RSPH3: variants seen among roughly 807,000 people sequenced by gnomAD.
The protein encoded by RSPH3 is radial spoke head 3, also known as radial spoke head protein 3 homolog.
In RSPH3, 21 loss-of-function variants were observed where a neutral mutation model predicts 43.8. That is an observed-to-expected ratio of 0.48 (90% confidence interval 0.34 to 0.69). The LOEUF (loss-of-function observed/expected upper bound fraction) is 0.69, where lower values mean the gene tolerates loss of function less well. Ranked by LOEUF, RSPH3 falls within the 30% of genes least tolerant of loss-of-function variation. The pLI, the probability that RSPH3 is intolerant of heterozygous loss-of-function variation, is 0.01. For missense variants in RSPH3, 487 were observed against 516.0 expected, an observed-to-expected ratio of 0.94 and a Z score of 0.54; for synonymous variants, 173 against 179.8, an observed-to-expected ratio of 0.96 and a Z score of 0.30.
intron 1 of RSPH3, among the ~76,000 whole-genome samples, chr6:158,994,667 A>G (rs1407336281): frequency 2.0e-5 from 3 of 152,150 alleles, no homozygotes; most frequent in African/African-American, 7.2e-5. Flanking sequence ...TAAATAAATA[A>G]ATAAGAAATA....
In RSPH3 at chr6:158,973,325, A is replaced by T; in HGVS notation, c.*4213T>A. The T allele has an allele frequency of 6.6e-6, 1 of 152,338 alleles. No individual in the cohort carries two copies. The highest frequency in any genetic ancestry group is 3.4e-3 in the Middle Eastern group (1 of 294). 9.4% of individuals were successfully genotyped at this position (152,338 alleles called of 1,614,324 possible). Reference sequence around the variant, plus strand: ...CTAGCTGATATAGTTGTTATGTTTCAACAACATAAAATGAAATGTTTCTAG... The same window carrying T: ...CTAGCTGATATAGTTGTTATGTTTCTACAACATAAAATGAAATGTTTCTAG... On this transcript the variant is annotated 3_prime_UTR_variant, in exon 8 of 8. Coordinates refer to ENST00000367069, the MANE Select transcript of RSPH3 (RefSeq NM_031924.8).
intron 1 of RSPH3, among the ~76,000 whole-genome samples, chr6:158,998,243 A>G (rs1404231795): frequency 1.4e-5 from 2 of 142,912 alleles, no homozygotes; most frequent in Non-Finnish European, 3.0e-5. Flanking sequence ...TGAGGTCAGG[A>G]GATCGAGAGT....
chr6:158,985,473 T>G (rs998681216), intron 3 of RSPH3, among the ~76,000 whole-genome samples: 3 of 152,160 alleles, frequency 2.0e-5, no homozygotes, highest in Non-Finnish European at 2.9e-5. Flanking sequence ...TATTTGTTGT[T>G]CAGGCTGAGT....
chr6:158,964,449 T>G, the RSPH3 span, among the ~76,000 whole-genome samples: 2 of 152,202 alleles, frequency 1.3e-5, no homozygotes, highest in Non-Finnish European at 2.9e-5. Context: ...TCATTAACTT[T>G]ATTTGCTTGA....
Position 159,000,039 on chromosome 6 carries a change from G to T in RSPH3, c.-489C>A. The T allele has an allele frequency of 6.8e-7, 1 of 1,468,652 alleles. No homozygotes were observed. The highest frequency in any genetic ancestry group is 9.1e-7 in the Non-Finnish European group (1 of 1,096,948). 91.0% of individuals were successfully genotyped at this position (1,468,652 alleles called of 1,614,324 possible). ...CCGGCTTTGGAATGTGGCTTTGCAG[G>T]GCTGGTGTTGGCGCCATTCTCGCAG... On this transcript the variant is annotated 5_prime_UTR_variant, in exon 1 of 8. Transcript: ENST00000367069.
At chr6:158,986,563 G>T in intron 2 of RSPH3, 142 bp from the exon 3 acceptor site, 1 of 660,988 alleles carries the variant, frequency 1.5e-6, no homozygotes, top group Non-Finnish European at 2.5e-6. Context: ...CATTAAAATT[G>T]TATTGGTACT....
At chr6:158,970,253 G>A (rs1348387012), downstream of RSPH3, among the ~76,000 whole-genome samples, 1 of 152,086 alleles carries the variant, frequency 6.6e-6, no homozygotes, top group Non-Finnish European at 1.5e-5. Flanking sequence ...GTTGTGTGTG[G>A]CCACTGAAGT....
Position 158,977,738 on chromosome 6 carries a change from C to G in RSPH3, c.1057G>C (p.Glu353Gln). The change falls in exon 8 of 8, where the codon GAG becomes CAG. Residue 353 changes from glutamate (E) to glutamine (Q), a missense_variant. Physicochemically the swap from Glu to Gln is conservative, Grantham distance 29 (BLOSUM62 2). Coordinates refer to ENST00000367069, the MANE Select transcript of RSPH3 (RefSeq NM_031924.8). ...DEPGGPGAMT[E>Q]SLEASEFLEQ... is the part of the protein sequence containing the mutation. Reference sequence around the variant, plus strand: ...AGGAATTCAGAGGCCTCCAGTGACTCTGTCATTGCTCCAGGACCACCAGGC... The same window carrying G: ...AGGAATTCAGAGGCCTCCAGTGACTGTGTCATTGCTCCAGGACCACCAGGC... 1 of 1,614,114 alleles carries G rather than the reference C, an allele frequency of 6.2e-7. No homozygotes were observed. The highest frequency in any genetic ancestry group is 1.1e-5 in the South Asian group (1 of 91,084).
At position 158,977,631 on chromosome 6, in the gene RSPH3, G is replaced by A; in HGVS notation, c.1164C>T (p.Ser388=). 2 of 1,613,946 alleles carry A rather than the reference G, an allele frequency of 1.2e-6. No individual in the cohort carries two copies. The highest frequency in any genetic ancestry group is 2.2e-5 in the East Asian group (1 of 44,870). ...LQRTTYDRRS[S]QERKFMEERE... ...TCTCTTCCATAAACTTCCTTTCCTGGGATGACCTTCTGTCATATGTTGTTC... is the reference window on the plus strand; with the variant it reads ...TCTCTTCCATAAACTTCCTTTCCTGAGATGACCTTCTGTCATATGTTGTTC... Residue 388 remains serine, a synonymous_variant, in exon 8 of 8, where the codon TCC becomes TCT. Transcript: ENST00000367069.
chr6:158,999,694 G>A lies in RSPH3; in HGVS notation c.-144C>T. 1 of 1,614,064 alleles carries A rather than the reference G, an allele frequency of 6.2e-7. No homozygotes were observed. The highest frequency in any genetic ancestry group is 2.2e-5 in the East Asian group (1 of 44,888). On this transcript the variant is annotated 5_prime_UTR_variant, in exon 1 of 8. Coordinates refer to ENST00000367069, the MANE Select transcript of RSPH3 (RefSeq NM_031924.8). ...AGGAGAGGCGACAACAAGGGAGGCG[G>A]GCGGGACGGGAGGTTACCAGCGCAG...
rs1413698882 is a variant in RSPH3, at chr6:158,978,289, T to C, written c.917A>G (p.Tyr306Cys). The part of the protein sequence containing the change: ...LMNEVEKTME[Y>C]SMVGRTVLDM... ...AAGCACTGTTCTTCCCACCATGCTA[T>C]ATTCCATGGTTTTTTCAACTTCATT... Residue 306 changes from tyrosine to cysteine, a missense_variant, in exon 7 of 8, where the codon TAT (tyrosine) becomes TGT (cysteine). By Grantham distance (194) the Tyr-to-Cys change is radical. Coordinates refer to ENST00000367069, the MANE Select transcript of RSPH3 (RefSeq NM_031924.8). 1.3e-6 allele frequency: 2 copies of C among 1,586,098 alleles called. No homozygotes were observed.
chr6:158,964,726 A>G, the RSPH3 span, among the ~76,000 whole-genome samples: 1 of 152,162 alleles, frequency 6.6e-6, no homozygotes, highest in Non-Finnish European at 1.5e-5. Flanking sequence ...ATTCTTTGTT[A>G]GATATATGCT....
chr6:158,995,800 C>T (rs1022387814), intron 1 of RSPH3, among the ~76,000 whole-genome samples: 17 of 152,022 alleles, frequency 1.1e-4, no homozygotes, highest in African/African-American at 3.9e-4. Context: ...GGGGTTTCAC[C>T]GTGTTAGCCA....
At chr6:158,985,140 C>A (rs1322668594) in intron 3 of RSPH3, among the ~76,000 whole-genome samples, 2 of 152,170 alleles carry the variant, frequency 1.3e-5, no homozygotes, top group Non-Finnish European at 2.9e-5. Context: ...ACCAGGTAAG[C>A]CTCTACAGCT....
In RSPH3 at chr6:158,977,541, T is replaced by C. The variant is rs1777883864; in HGVS notation, c.1254A>G (p.Ser418=). 6.2e-7 allele frequency: 1 copy of C among 1,602,382 alleles called. No individual in the cohort carries two copies. The highest frequency in any genetic ancestry group is 8.5e-7 in the Non-Finnish European group (1 of 1,175,638). ...MRKSLGEEEL[S] is the part of the protein sequence containing the mutation. ...TCATGACTTTGAAGCTTCCCTCCTA[T>C]GACAATTCTTCCTCCCCTAAGGACT... is the stretch of plus-strand genomic sequence containing the variant. Residue 418 remains serine, a synonymous_variant, in exon 8 of 8, where the codon TCA becomes TCG. Coordinates refer to ENST00000367069, the MANE Select transcript of RSPH3 (RefSeq NM_031924.8).
In RSPH3 at chr6:158,973,023, G is replaced by C. The variant is rs571683804; in HGVS notation, c.*4515C>G. The C allele has an allele frequency of 1.3e-5, 2 of 152,176 alleles. No individual in the cohort carries two copies. Among genetic ancestry groups the C allele is most frequent in the East Asian group, 3.9e-4 (2 of 5,180 alleles). The allele number at this position is 152,176 out of a possible 1,614,324, so 9.4% of individuals were successfully genotyped here. On this transcript the variant is annotated 3_prime_UTR_variant, in exon 8 of 8. Transcript: ENST00000367069. ...ACCCCACTTATAACACTCTTTTTTG[G>C]GTCTCTGACTGTGAACAAGATTGTG...
At chr6:158,995,918 G>T (rs1011086461) in intron 1 of RSPH3, among the ~76,000 whole-genome samples, 2 of 151,934 alleles carry the variant, frequency 1.3e-5, no homozygotes, top group Non-Finnish European at 2.9e-5. Context: ...TACTTTTAAG[G>T]CCCCACTGTG....
chr6:158,995,867 G>A (rs1228824875), intron 1 of RSPH3, among the ~76,000 whole-genome samples: 5 of 152,054 alleles, frequency 3.3e-5, no homozygotes, highest in Non-Finnish European at 7.4e-5. Flanking sequence ...CCAAAGTACC[G>A]GGATTACAGG....
chr6:158,979,151 C>A (rs1777946321), intron 6 of RSPH3, among the ~76,000 whole-genome samples: 1 of 152,134 alleles, frequency 6.6e-6, no homozygotes, highest in South Asian at 2.1e-4. Flanking sequence ...AAACTGAAAT[C>A]TACTGTGTAA....
Sources: allele counts gnomAD v4.1 joint callset (sites outside exome capture counted in the v4.1 genomes callset), GRCh38; gene constraint gnomAD v4.1.1; transcripts MANE v1.5; gene names NCBI Gene and HGNC (gene_info 2026-07-23, HGNC 2026-07-21).